The following ADAMTS16 variants were observed in gnomAD, a reference collection of about 807,000 sequenced individuals.
ADAMTS16 encodes the protein A disintegrin and metalloproteinase with thrombospondin motifs 16.
Under a neutral mutation model 145.8 loss-of-function variants are expected in ADAMTS16, and 94 were observed. The observed-to-expected ratio is 0.64, with a 90% CI of 0.55 to 0.77. ADAMTS16 has a LOEUF of 0.77. Among genes scored for constraint, ADAMTS16 ranks in the 30% least tolerant of loss-of-function variants. The pLI is 0.00. For missense variants in ADAMTS16, 1,585 were observed against 1,591.5 expected, an observed-to-expected ratio of 1.00 and a Z score of 0.07; for synonymous variants, 659 against 604.3, an observed-to-expected ratio of 1.09 and a Z score of -1.33.
In ADAMTS16 at chr5:5,269,191, G is replaced by A. The variant is rs766216164; in HGVS notation, c.2789+6408G>A. Among the ~76,000 whole-genome samples, 2 of 151,918 alleles carry A rather than the reference G, an allele frequency of 1.3e-5. No homozygotes were observed. Among genetic ancestry groups the A allele is most frequent in the African/African-American group, 2.4e-5 (1 of 41,346 alleles). On this transcript the variant is annotated intron_variant, in intron 18 of 22. Transcript: ENST00000274181. This position sits in a 1 kb window ranked among gnomAD's most constrained non-coding sequence, Gnocchi z 4.3. ...CCCACCGCTCACTGCCCAGGACCCC[G>A]GAGCCCCCACCCAGGCCAGAGGCTG...
At chr5:5,263,273 G>A (rs1200643889) in intron 18 of ADAMTS16, among the ~76,000 whole-genome samples, 2 of 152,154 alleles carry the variant, frequency 1.3e-5, no homozygotes, top group Non-Finnish European at 2.9e-5. Context: ...TACCCTCACT[G>A]CTACTGCCCC....
intron 3 of ADAMTS16, among the ~76,000 whole-genome samples, chr5:5,169,698 G>A (rs1410188824): frequency 2.0e-4 from 30 of 152,076 alleles, no homozygotes; most frequent in Admixed American, 2.0e-3. Flanking sequence ...GACCATTCAC[G>A]GGCTTCTTCT....
intron 7 of ADAMTS16, among the ~76,000 whole-genome samples, chr5:5,191,289 A>G (rs1735657351): frequency 6.6e-6 from 1 of 152,194 alleles, no homozygotes. Context: ...CTCCCAGCAC[A>G]CCCATTCTCT....
At chr5:5,174,856 C>A (rs1382480420) in intron 3 of ADAMTS16, among the ~76,000 whole-genome samples, 1 of 152,116 alleles carries the variant, frequency 6.6e-6, no homozygotes, top group Non-Finnish European at 1.5e-5. Flanking sequence ...GCCTCCAATG[C>A]TCATTCAAGG....
At chr5:5,211,548 C>T (rs1736271612) in intron 10 of ADAMTS16, among the ~76,000 whole-genome samples, 1 of 151,978 alleles carries the variant, frequency 6.6e-6, no homozygotes, top group African/African-American at 2.4e-5. Flanking sequence ...GGATTCTTTT[C>T]TATTTCACTA....
intron 2 of ADAMTS16, among the ~76,000 whole-genome samples, chr5:5,143,910 C>T (rs926963356): frequency 6.6e-5 from 10 of 152,112 alleles, no homozygotes; most frequent in African/African-American, 2.4e-4. Context: ...TGTTCTCACT[C>T]GTAAGTGGGA....
chr5:5,182,122 G>C lies in ADAMTS16; in HGVS notation c.580G>C (p.Ala194Pro), dbSNP rs760161948. ...ACACCTCTCATGGAAACTCGGCAGAGCTGCCCAAGGCAGCTCGCCATCCCA... is the reference window on the plus strand; with the variant it reads ...ACACCTCTCATGGAAACTCGGCAGACCTGCCCAAGGCAGCTCGCCATCCCA... Reference protein sequence around the residue: ...PSHLSWKLGRAAQGSSPSHVL... With the variant: ...PSHLSWKLGRPAQGSSPSHVL... The change falls in exon 4 of 23, where the codon GCT becomes CCT. Residue 194 changes from alanine (A) to proline (P), a missense_variant. Ala to Pro is a conservative substitution (Grantham distance 27, BLOSUM62 -1). Around this residue, in one of 3 missense-constraint regions of ADAMTS16, gnomAD observed 453 missense variants for 412.1 expected, o/e 1.10. Transcript: ENST00000274181. 8 of 1,613,966 alleles carry C rather than the reference G, an allele frequency of 5.0e-6. No individual in the cohort carries two copies. Among genetic ancestry groups the C allele is most frequent in the Non-Finnish European group, 6.8e-6 (8 of 1,180,036 alleles).
chr5:5,219,708 G>A (rs1204740944), intron 10 of ADAMTS16, among the ~76,000 whole-genome samples: 1 of 152,152 alleles, frequency 6.6e-6, no homozygotes, highest in Non-Finnish European at 1.5e-5. Flanking sequence ...GGATTGAGCA[G>A]GTCCCAAAAT....
In ADAMTS16 at chr5:5,152,314, A is replaced by C. The variant is rs1734491817; in HGVS notation, c.501+5859A>C. Among the ~76,000 whole-genome samples the C allele has an allele frequency of 2.0e-5, 3 of 152,164 alleles. No individual in the cohort carries two copies. The South Asian group carries it at 6.2e-4, about 32-fold the overall frequency. ...GAGCAGAGCTCCGGTGGGGATGGTA[A>C]CCCCTTGTCTTCCCTGGTTGTGCTT... On this transcript the variant is annotated intron_variant, in intron 3 of 22. Transcript: ENST00000274181.
chr5:5,200,107 ATCTCTC>A lies in ADAMTS16; in HGVS notation c.1314-10_1314-5del, dbSNP rs58639468. On this transcript the variant is annotated intron_variant, in intron 8 of 22. Transcript: ENST00000274181. ...AAACTGTTTTTGTTCTGAAAGAACCATCTCTCTCTCTCTCTCTCTCATAGCTTTGGC... is the reference window on the plus strand; with the variant it reads ...AAACTGTTTTTGTTCTGAAAGAACCATCTCTCTCTCTCTCATAGCTTTGGC... 2,223 of 1,447,686 alleles carry A rather than the reference ATCTCTC, an allele frequency of 1.5e-3. 35 individuals are homozygous for A. In the East Asian group the frequency reaches 0.032, roughly 21 times the overall value. The allele number at this position is 1,447,686 out of a possible 1,614,324, so 89.7% of individuals were successfully genotyped here.
intron 10 of ADAMTS16, among the ~76,000 whole-genome samples, chr5:5,220,517 A>G (rs1333675524): frequency 6.6e-6 from 1 of 152,114 alleles, no homozygotes; most frequent in Non-Finnish European, 1.5e-5. Flanking sequence ...CCTTAGAAAC[A>G]GCCCTGTGAA....
At chr5:5,195,005 G>A (rs1053885564) in intron 8 of ADAMTS16, among the ~76,000 whole-genome samples, 1 of 152,172 alleles carries the variant, frequency 6.6e-6, no homozygotes, top group South Asian at 2.1e-4. Flanking sequence ...CTCAAATAAA[G>A]ATTTCAGTTA....
intron 17 of ADAMTS16, 59 bp downstream of exon 17, chr5:5,242,250 C>G: frequency 1.9e-6 from 3 of 1,591,866 alleles, no homozygotes; most frequent in Non-Finnish European, 1.7e-6. Flanking sequence ...CCACTGCGTA[C>G]ATTGCACTGG....
chr5:5,276,567 ATTTT>A (rs1343375838), intron 18 of ADAMTS16, among the ~76,000 whole-genome samples: 1 of 152,186 alleles, frequency 6.6e-6, no homozygotes, highest in East Asian at 1.9e-4. Flanking sequence ...GAGTTCCTAG[ATTTT>A]CTGTGCACAT....
At chr5:5,213,610 T>A (rs948465236) in intron 10 of ADAMTS16, among the ~76,000 whole-genome samples, 9 of 152,222 alleles carry the variant, frequency 5.9e-5, no homozygotes, top group Admixed American at 3.9e-4. Context: ...TTATTCTTCA[T>A]TAGGGCTCAT....
intron 21 of ADAMTS16, among the ~76,000 whole-genome samples, chr5:5,313,557 T>C (rs1444658614): frequency 2.0e-5 from 3 of 152,188 alleles, no homozygotes; most frequent in Non-Finnish European, 2.9e-5. Flanking sequence ...GGGTGTGCCC[T>C]CAGTGCTGGG....
At chr5:5,318,309 C>T (rs765746391) in intron 22 of ADAMTS16, 28 bp downstream of exon 22, 1 of 1,403,646 alleles carries the variant, frequency 7.1e-7, no homozygotes, top group African/African-American at 1.5e-5. Context: ...CTCAGCATGA[C>T]CTGGGCATGG....
At chr5:5,240,414 G>C (rs1036565466) in intron 16 of ADAMTS16, among the ~76,000 whole-genome samples, 1 of 152,192 alleles carries the variant, frequency 6.6e-6, no homozygotes, top group Non-Finnish European at 1.5e-5. Flanking sequence ...CAGTGCGGGG[G>C]TCACCCCCTG....
intron 9 of ADAMTS16, among the ~76,000 whole-genome samples, chr5:5,203,487 AT>A (rs1243242621): frequency 2.0e-5 from 3 of 152,090 alleles, no homozygotes; most frequent in Non-Finnish European, 2.9e-5. Flanking sequence ...GTAGTCTAGC[AT>A]TTGATAGTGG....
Sources: allele counts gnomAD v4.1 joint callset (sites outside exome capture counted in the v4.1 genomes callset), GRCh38; gene constraint gnomAD v4.1.1; regional missense constraint gnomAD v4.1.1; non-coding constraint Gnocchi (gnomAD v3.1); transcripts MANE v1.5; gene names NCBI Gene and HGNC (gene_info 2026-07-23, HGNC 2026-07-21).